Variants in LRBA observed in about 807,000 individuals in gnomAD.
LRBA encodes LPS responsive beige-like anchor protein.
In LRBA, 176 loss-of-function variants were observed where a neutral mutation model predicts 330.0. The observed-to-expected ratio is 0.53, with a 90% CI of 0.47 to 0.60. The LOEUF (loss-of-function observed/expected upper bound fraction) is 0.60, where lower values mean the gene tolerates loss of function less well. Ranked by LOEUF, LRBA falls within the 20% of genes least tolerant of loss-of-function variation. The pLI is 0.00. For synonymous variants in LRBA, 1,230 were observed against 1,193.0 expected (o/e 1.03, Z -0.64); for missense variants, 3,259 against 3,444.8 (o/e 0.95, Z 1.35).
At chr4:150,457,960 G>A (rs904159344) in intron 44 of LRBA, among the ~76,000 whole-genome samples, 4 of 151,958 alleles carry the variant, frequency 2.6e-5, no homozygotes, top group Non-Finnish European at 4.4e-5. Flanking sequence ...ATTACTGACT[G>A]GCAGTGTGTT....
rs1254878291 is a variant in LRBA at position 150,321,550 on chromosome 4, A to G, written c.7453-182T>C. ...GTAGAAACAGCAGTCATGATCTGTTATTCATGTATGTCGTTAGTTGGAATT... is the reference window on the plus strand; with the variant it reads ...GTAGAAACAGCAGTCATGATCTGTTGTTCATGTATGTCGTTAGTTGGAATT... On this transcript the variant is annotated intron_variant, in intron 49 of 56. Transcript: ENST00000651943. This position sits in a 1 kb window ranked among gnomAD's most constrained non-coding sequence, Gnocchi z 4.5. 1.3e-5 allele frequency among the ~76,000 whole-genome samples: 2 copies of G among 152,214 alleles called. No individual in the cohort carries two copies. The highest frequency in any genetic ancestry group is 6.5e-5 in the Admixed American group (1 of 15,272).
Position 150,921,209 on chromosome 4 carries a change from T to C in LRBA, c.634A>G (p.Lys212Glu), listed in dbSNP as rs746222364. Residue 212 changes from lysine to glutamate, a missense_variant, in exon 5 of 57, where the codon AAG becomes GAG. Lys to Glu is a moderately conservative substitution (Grantham distance 56, BLOSUM62 1). Transcript: ENST00000651943. Reference sequence around the variant, plus strand: ...TAATATTTACTTACTGCAGCACTCTTTCCTGGAAAGTTAAAAAAGGCATCA... The same window carrying C: ...TAATATTTACTTACTGCAGCACTCTCTCCTGGAAAGTTAAAAAAGGCATCA... ...GPDAFFNFPG[K>E]SAAAIALPPI... 3.7e-6 allele frequency: 6 copies of C among 1,608,034 alleles called. No homozygotes were observed. In the Admixed American group the frequency reaches 5.0e-5, roughly 13 times the overall value.
chr4:150,417,872 CCTT>C (rs1748007676), intron 46 of LRBA, among the ~76,000 whole-genome samples: 1 of 152,212 alleles, frequency 6.6e-6, no homozygotes, highest in South Asian at 2.1e-4. Context: ...AGTTTTCAAT[CCTT>C]CTAATATATA....
intron 37 of LRBA, among the ~76,000 whole-genome samples, chr4:150,664,771 C>A (rs558406734): frequency 6.6e-6 from 1 of 152,296 alleles, no homozygotes; most frequent in South Asian, 2.1e-4. Context: ...GCCAAACTTA[C>A]CTCATGAGAT....
chr4:150,848,961 G>A lies in LRBA; in HGVS notation c.4196C>T (p.Ser1399Leu), dbSNP rs766742322. ...LENIEPTQGL[S>L]IEASVTFLQR... is the part of the protein sequence containing the mutation. ...CAAAAATGTCACAGAGGCTTCTATT[G>A]AAAGGCCTTGAGTAGGTTCAATATT... The change falls in exon 26 of 57, where the codon TCA (serine) becomes TTA (leucine). Residue 1399 changes from serine to leucine, a missense_variant. By Grantham distance (145) the Ser-to-Leu change is moderately radical (BLOSUM62 -2). Transcript: ENST00000651943. The A allele has an allele frequency of 1.2e-6, 2 of 1,610,580 alleles. No homozygotes were observed. Among genetic ancestry groups the A allele is most frequent in the South Asian group, 1.1e-5 (1 of 90,332 alleles).
intron 36 of LRBA, among the ~76,000 whole-genome samples, chr4:150,705,823 A>T (rs1338363909): frequency 6.6e-6 from 1 of 152,028 alleles, no homozygotes; most frequent in Non-Finnish European, 1.5e-5. Context: ...TATACTTCAG[A>T]TCAAAGGCTA....
chr4:150,436,712 A>T lies in LRBA; in HGVS notation c.6921+12T>A, dbSNP rs376134469. On this transcript the variant is annotated intron_variant, in intron 45 of 56. Transcript: ENST00000651943. ...TTATTTAGCCATGGTGTATTATTCA[A>T]ATTGAACTTACTATTCTTAGCAGCC... The T allele has an allele frequency of 1.9e-6, 3 of 1,606,860 alleles. No homozygotes were observed. Among genetic ancestry groups the T allele is most frequent in the Non-Finnish European group, 2.6e-6 (3 of 1,175,082 alleles).
chr4:150,624,966 G>C (rs1347487450), intron 37 of LRBA, among the ~76,000 whole-genome samples: 2 of 152,312 alleles, frequency 1.3e-5, no homozygotes, highest in Non-Finnish European at 1.5e-5. Context: ...TTTTATATTG[G>C]ATTGTTTGGC....
At chr4:150,361,001 G>T (rs1317251262) in intron 47 of LRBA, among the ~76,000 whole-genome samples, 1 of 152,140 alleles carries the variant, frequency 6.6e-6, no homozygotes, top group Non-Finnish European at 1.5e-5. Context: ...TGGCTACTCA[G>T]CTCTATCAGT....
chr4:150,779,382 T>A (rs1403254909), intron 34 of LRBA, among the ~76,000 whole-genome samples: 1 of 152,016 alleles, frequency 6.6e-6, no homozygotes, highest in Non-Finnish European at 1.5e-5. Context: ...TCATAAAAAA[T>A]TTTAAGCATA....
At chr4:150,550,933 T>C (rs911671905) in intron 40 of LRBA, among the ~76,000 whole-genome samples, 2 of 152,226 alleles carry the variant, frequency 1.3e-5, no homozygotes, top group Non-Finnish European at 2.9e-5. Context: ...CAAACTGCTA[T>C]GGTTTGACCA....
intron 44 of LRBA, among the ~76,000 whole-genome samples, chr4:150,443,853 A>AAAAAAAAAAAAAAATAT (rs70941406): frequency 2.6e-5 from 2 of 75,482 alleles, no homozygotes; most frequent in African/African-American, 7.8e-5. Context: ...TAATTAAAAA[A>AAAAAAAAAAAAAAATAT]ATATATATAT....
At chr4:150,400,444 C>T (rs1190410691) in intron 47 of LRBA, among the ~76,000 whole-genome samples, 1 of 151,984 alleles carries the variant, frequency 6.6e-6, no homozygotes, top group East Asian at 1.9e-4. Context: ...ACTTTTAAAA[C>T]GAATTTGAGT....
At chr4:150,481,460 T>C (rs956227496) in intron 42 of LRBA, among the ~76,000 whole-genome samples, 3 of 152,180 alleles carry the variant, frequency 2.0e-5, no homozygotes, top group Non-Finnish European at 1.5e-5. Flanking sequence ...CAAACTTAAG[T>C]GTACAATTTG....
chr4:150,316,458 C>G (rs1731730844), intron 50 of LRBA, among the ~76,000 whole-genome samples: 1 of 152,140 alleles, frequency 6.6e-6, no homozygotes, highest in South Asian at 2.1e-4. Context: ...CTACCTGATG[C>G]AACCTTGTGC....
chr4:150,401,126 G>A (rs143400031), intron 47 of LRBA, among the ~76,000 whole-genome samples: 1 of 152,336 alleles, frequency 6.6e-6, no homozygotes, highest in Non-Finnish European at 1.5e-5. Context: ...TGTGAAGACC[G>A]AGGTTACACT....
In LRBA at chr4:150,871,405, A is replaced by G; in HGVS notation, c.2307T>C (p.Ala769=). 1.2e-6 allele frequency: 2 copies of G among 1,612,854 alleles called. No individual in the cohort carries two copies. The highest frequency in any genetic ancestry group is 1.1e-5 in the South Asian group (1 of 90,964). Residue 769 remains alanine (A), a synonymous_variant, in exon 19 of 57, where the codon GCT becomes GCC. Transcript: ENST00000651943. ...MLGHGLFSLL[A]ERLMLQTNLI... ...AATTTGTCTGAAGCATGAGCCTTTC[A>G]GCTAGCAATGAAAACAATCCATGTC...
intron 40 of LRBA, among the ~76,000 whole-genome samples, chr4:150,549,564 C>T (rs1229824345): frequency 1.3e-5 from 2 of 152,156 alleles, no homozygotes; most frequent in South Asian, 2.1e-4. Flanking sequence ...AACTCCTGAC[C>T]TCATGATCTG....
intron 36 of LRBA, among the ~76,000 whole-genome samples, chr4:150,717,573 T>C (rs1728375534): frequency 6.6e-6 from 1 of 151,316 alleles, no homozygotes; most frequent in African/African-American, 2.4e-5. Flanking sequence ...GGTGGGAAGA[T>C]CACTTGAATC....
Sources: gnomAD v4.1 joint callset for allele counts (sites outside exome capture counted in the v4.1 genomes callset) on GRCh38, gnomAD v4.1.1 for gene constraint, Gnocchi (gnomAD v3.1) non-coding constraint, MANE v1.5 for transcripts, NCBI Gene and HGNC (gene_info 2026-07-23, HGNC 2026-07-21) for gene names.